RFX6: variants seen among roughly 807,000 people sequenced by gnomAD.
RFX6 encodes regulatory factor X6, also known as DNA-binding protein RFX6.
A neutral mutation model predicts 110.8 loss-of-function variants in RFX6; 50 were observed. The observed-to-expected ratio is 0.45, with a 90% CI of 0.36 to 0.57. The LOEUF is 0.57. Among genes scored for constraint, RFX6 ranks in the 20% least tolerant of loss-of-function variants. RFX6 has a pLI of 0.00. For missense variants in RFX6, 990 were observed against 1,127.0 expected (o/e 0.88, Z 1.74); for synonymous variants, 383 against 411.2 (o/e 0.93, Z 0.83).
chr6:116,923,202 C>A lies in RFX6; in HGVS notation c.1533C>A (p.Thr511=), dbSNP rs1775639656. The A allele has an allele frequency of 2.6e-6, 4 of 1,549,504 alleles. No homozygotes were observed. Among genetic ancestry groups the A allele is most frequent in the Non-Finnish European group, 8.9e-7 (1 of 1,121,398 alleles). The change falls in exon 14 of 19, where the codon ACC becomes ACA. Residue 511 remains threonine, a synonymous_variant. Coordinates refer to ENST00000332958, the MANE Select transcript of RFX6 (RefSeq NM_173560.4). The stretch of plus-strand genomic sequence containing the variant: ...GTGCTCGAGTAATGCATAATCTCAC[C>A]TTGAACAATGCATCCAGTTTTGGTA... ...FFGARVMHNL[T]LNNASSFGSF...
chr6:116,894,507 C>T (rs1774898882), intron 5 of RFX6, among the ~76,000 whole-genome samples: 1 of 152,034 alleles, frequency 6.6e-6, no homozygotes, highest in Admixed American at 6.6e-5. Context: ...ATACTTTGAC[C>T]ATCCTCTTAC....
chr6:116,910,979 A>G lies in RFX6; in HGVS notation c.717A>G (p.Thr239=), dbSNP rs768168806. ...RKYSLSSKTG[T]LLPEFPSAQH... ...ATTCGCTTAGCTCAAAAACTGGAAC[A>G]CTTCTTCCAGAATTCCCCAGCGCTC... The change falls in exon 7 of 19, where the codon ACA becomes ACG. Residue 239 remains threonine, a synonymous_variant. Transcript: ENST00000332958. 6.8e-6 allele frequency: 11 copies of G among 1,613,698 alleles called. No homozygotes were observed. The highest frequency in any genetic ancestry group is 5.3e-5 in the African/African-American group (4 of 74,916).
At chr6:116,896,788 G>A (rs1412800298) in intron 6 of RFX6, among the ~76,000 whole-genome samples, 1 of 152,122 alleles carries the variant, frequency 6.6e-6, no homozygotes, top group Non-Finnish European at 1.5e-5. Flanking sequence ...CTTCATATAC[G>A]TCAGTTCATT....
At chr6:116,912,337 A>G (rs1050018280) in intron 7 of RFX6, among the ~76,000 whole-genome samples, 1 of 151,136 alleles carries the variant, frequency 6.6e-6, no homozygotes, top group African/African-American at 2.5e-5. Context: ...TCTAAAATAC[A>G]AGTTGGAAAA....
intron 2 of RFX6, among the ~76,000 whole-genome samples, chr6:116,878,961 A>G (rs1463393912): frequency 6.6e-6 from 1 of 151,924 alleles, no homozygotes; most frequent in Non-Finnish European, 1.5e-5. Context: ...ATTGAAGTTG[A>G]TGTCGTGGTT....
intron 3 of RFX6, 83 bp downstream of exon 3, chr6:116,880,750 G>A: frequency 6.9e-7 from 1 of 1,450,952 alleles, no homozygotes; most frequent in Non-Finnish European, 9.7e-7. Flanking sequence ...ATCTGTGCAA[G>A]TTCTCTTAGA....
At chr6:116,908,222 T>C (rs1440358346) in intron 6 of RFX6, among the ~76,000 whole-genome samples, 1 of 152,126 alleles carries the variant, frequency 6.6e-6, no homozygotes, top group East Asian at 1.9e-4. Flanking sequence ...AAATTTTTTA[T>C]CTCCCATATA....
Position 116,877,402 on chromosome 6 carries a change from G to C in RFX6, c.127G>C (p.Glu43Gln). The change falls in exon 1 of 19, where the codon GAA (glutamate) becomes CAA (glutamine). Residue 43 changes from glutamate to glutamine, a missense_variant. Around this residue, in one of 5 missense-constraint regions of RFX6, gnomAD observed 175 missense variants for 162.3 expected, o/e 1.08. Transcript: ENST00000332958. Reference protein sequence around the residue: ...LGKGLLVYPEETVYLAAEGQP... With the variant: ...LGKGLLVYPEQTVYLAAEGQP... ...CAAGGGCTTGCTAGTCTATCCGGAA[G>C]AAACAGTGTACCTGGCGGCCGAAGG... The C allele has an allele frequency of 6.2e-7, 1 of 1,607,162 alleles. No individual in the cohort carries two copies. Among genetic ancestry groups the C allele is most frequent in the Non-Finnish European group, 8.5e-7 (1 of 1,176,920 alleles).
At chr6:116,917,907 A>G in intron 9 of RFX6, 130 bp from the exon 10 acceptor site, 1 of 668,416 alleles carries the variant, frequency 1.5e-6, no homozygotes, top group Non-Finnish European at 2.7e-6. Flanking sequence ...AGATAAAATT[A>G]TAACTTTGAG....
chr6:116,923,177 G>GTGC lies in RFX6; in HGVS notation c.1510_1512dup (p.Ala504dup), dbSNP rs1775639041. On this transcript the variant is annotated inframe_insertion, in exon 14 of 19. Transcript: ENST00000332958. The stretch of plus-strand genomic sequence containing the variant: ...TTTCTGTTAAAGTGGAGTTTTTTTG[G>GTGC]TGCTCGAGTAATGCATAATCTCACC... 6.2e-7 allele frequency: 1 copy of GTGC among 1,605,268 alleles called. No homozygotes were observed. The highest frequency in any genetic ancestry group is 1.1e-5 in the South Asian group (1 of 90,878).
intron 6 of RFX6, among the ~76,000 whole-genome samples, chr6:116,903,189 G>A (rs979546432): frequency 1.3e-5 from 2 of 151,858 alleles, no homozygotes; most frequent in African/African-American, 2.4e-5. Flanking sequence ...GATATTATTC[G>A]ATTTATGCAA....
chr6:116,918,167 G>C, intron 10 of RFX6, 81 bp downstream of exon 10: 3 of 985,826 alleles, frequency 3.0e-6, no homozygotes, highest in Non-Finnish European at 1.6e-6. Context: ...ACATTAGGTA[G>C]TAATTTATTC....
At chr6:116,915,886 C>T in intron 7 of RFX6, 122 bp from the exon 8 acceptor site, 1 of 772,132 alleles carries the variant, frequency 1.3e-6, no homozygotes, top group Non-Finnish European at 2.3e-6. Context: ...TTTGAGTCCT[C>T]AACATTGAGC....
intron 16 of RFX6, among the ~76,000 whole-genome samples, chr6:116,926,420 G>C (rs1775735323): frequency 6.6e-6 from 1 of 152,116 alleles, no homozygotes; most frequent in Non-Finnish European, 1.5e-5. Flanking sequence ...AGCTACTCGG[G>C]AATATTTTAA....
chr6:116,924,573 C>A, intron 14 of RFX6, 96 bp from the exon 15 acceptor site: 1 of 1,144,312 alleles, frequency 8.7e-7, no homozygotes, highest in Non-Finnish European at 1.3e-6. Flanking sequence ...GCGAGATGGT[C>A]ACAAAGATAA....
rs1163657084 is a variant in RFX6, at chr6:116,877,577, T to C, written c.223+79T>C. 3 of 1,164,228 alleles carry C rather than the reference T, an allele frequency of 2.6e-6. No homozygotes were observed. The African/African-American group carries it at 4.6e-5, about 18-fold the overall frequency. 72.1% of individuals were successfully genotyped at this position (1,164,228 alleles called of 1,614,324 possible). On this transcript the variant is annotated intron_variant, in intron 1 of 18. Transcript: ENST00000332958. ...AAGGGCACCCAATAATAATAATGCA[T>C]CCCGAACAAACATAAGGCAGATATA...
At chr6:116,915,523 T>G (rs76828806) in intron 7 of RFX6, among the ~76,000 whole-genome samples, 3,934 of 152,186 alleles carry the variant, frequency 0.026, 147 homozygotes, top group African/African-American at 0.09. Flanking sequence ...TTGAGCTGAC[T>G]CCAGAGACAA....
intron 4 of RFX6, among the ~76,000 whole-genome samples, chr6:116,889,748 T>G (rs1165045277): frequency 6.6e-6 from 1 of 152,124 alleles, no homozygotes; most frequent in Non-Finnish European, 1.5e-5. Context: ...AGATAAGAGA[T>G]TCTTTAATTT....
intron 4 of RFX6, among the ~76,000 whole-genome samples, chr6:116,892,912 T>G (rs1448364030): frequency 6.6e-6 from 1 of 152,140 alleles, no homozygotes; most frequent in Non-Finnish European, 1.5e-5. Context: ...GATAGGGCCC[T>G]TGATGGATGA....
Sources: gnomAD v4.1 joint callset for allele counts (sites outside exome capture counted in the v4.1 genomes callset) on GRCh38, gnomAD v4.1.1 for gene constraint, gnomAD v4.1.1 regional missense constraint, MANE v1.5 for transcripts, NCBI Gene and HGNC (gene_info 2026-07-23, HGNC 2026-07-21) for gene names.